The following NCKAP5 variants were observed in gnomAD, a reference collection of about 807,000 sequenced individuals.
NCKAP5 encodes nck-associated protein 5.
NCKAP5 carries 92 observed loss-of-function variants against 167.0 expected under a neutral mutation model. The ratio of observed to expected loss-of-function variants is 0.55; its 90% CI spans 0.47 to 0.66. The LOEUF (loss-of-function observed/expected upper bound fraction) is 0.66, where lower values mean the gene tolerates loss of function less well. Among genes scored for constraint, NCKAP5 ranks in the 30% least tolerant of loss-of-function variants. NCKAP5 has a pLI of 0.00. For synonymous variants in NCKAP5, 891 were observed against 877.4 expected, an observed-to-expected ratio of 1.02 and a Z score of -0.27; for missense variants, 2,378 against 2,315.0, an observed-to-expected ratio of 1.03 and a Z score of -0.56.
chr2:133,308,079 A>ATTTTTTTTTTTT (rs60111877), intron 3 of NCKAP5, among the ~76,000 whole-genome samples: 4 of 89,396 alleles, frequency 4.5e-5, no homozygotes, highest in Non-Finnish European at 8.9e-5. Flanking sequence ...TTATTGTTCT[A>ATTTTTTTTTTTT]TTTTTTTTTT....
intron 3 of NCKAP5, among the ~76,000 whole-genome samples, chr2:133,500,930 A>G (rs904722730): frequency 2.6e-4 from 40 of 152,264 alleles, no homozygotes; most frequent in Admixed American, 3.3e-4. Context: ...TAATCCTTGT[A>G]ACACCATCTC....
chr2:133,160,125 C>T (rs2149932898), intron 5 of NCKAP5, among the ~76,000 whole-genome samples: 2 of 152,234 alleles, frequency 1.3e-5, no homozygotes, highest in East Asian at 3.9e-4. Context: ...TGACATAGAA[C>T]AATAGAAATG....
intron 7 of NCKAP5, among the ~76,000 whole-genome samples, chr2:132,978,680 A>G (rs920663909): frequency 6.6e-6 from 1 of 152,172 alleles, no homozygotes. Context: ...AGCTGGCCAC[A>G]TGGTGCACAT....
chr2:133,375,894 A>G (rs1686112058), intron 3 of NCKAP5, among the ~76,000 whole-genome samples: 1 of 152,202 alleles, frequency 6.6e-6, no homozygotes, highest in South Asian at 2.1e-4. Flanking sequence ...GTATAAATGA[A>G]TACAGAAAGT....
chr2:133,458,262 A>G (rs1691980698), intron 3 of NCKAP5, among the ~76,000 whole-genome samples: 1 of 152,194 alleles, frequency 6.6e-6, no homozygotes, highest in African/African-American at 2.4e-5. Context: ...AGGTGCTAAT[A>G]TTAATCATGA....
At chr2:133,177,593 C>T (rs140327922) in intron 5 of NCKAP5, among the ~76,000 whole-genome samples, 3 of 152,170 alleles carry the variant, frequency 2.0e-5, no homozygotes, top group Non-Finnish European at 4.4e-5. Context: ...TACTTTCATA[C>T]CACAGGTTTG....
At chr2:132,949,003 T>TTAAAAGAAAAGAAAAGGAAAA (rs1553487801) in intron 8 of NCKAP5, among the ~76,000 whole-genome samples, 1 of 130,226 alleles carries the variant, frequency 7.7e-6, no homozygotes, top group African/African-American at 2.9e-5. Flanking sequence ...TCCAGAGAAA[T>TTAAAAGAAAAGAAAAGGAAAA]GAAAAGAAAA....
At chr2:132,809,810 G>A (rs922405711) in intron 11 of NCKAP5, among the ~76,000 whole-genome samples, 21 of 152,130 alleles carry the variant, frequency 1.4e-4, no homozygotes, top group African/African-American at 4.8e-4. Flanking sequence ...TGGGCTCGTT[G>A]TTGCCTGTGT....
chr2:133,075,049 T>C (rs572688713), intron 6 of NCKAP5, among the ~76,000 whole-genome samples: 2 of 152,128 alleles, frequency 1.3e-5, no homozygotes, highest in South Asian at 2.1e-4. Context: ...AAGAACCATA[T>C]GTAGATACAT....
intron 5 of NCKAP5, among the ~76,000 whole-genome samples, chr2:133,132,017 G>A (rs1008558534): frequency 6.6e-6 from 1 of 151,926 alleles, no homozygotes; most frequent in African/African-American, 2.4e-5. Context: ...TACGAAGAAT[G>A]TGAAGTTCAC....
chr2:133,483,445 A>T (rs1680632576), intron 3 of NCKAP5, among the ~76,000 whole-genome samples: 2 of 152,224 alleles, frequency 1.3e-5, no homozygotes, highest in African/African-American at 4.8e-5. Flanking sequence ...AAAGCCAAGA[A>T]GATCATAAAA....
chr2:133,593,545 T>C, the NCKAP5 span, among the ~76,000 whole-genome samples: 1 of 152,198 alleles, frequency 6.6e-6, no homozygotes, highest in Non-Finnish European at 1.5e-5. Context: ...TCTGTATTAT[T>C]TTTTATTCTC....
At chr2:132,839,874 T>C (rs1165046236) in intron 11 of NCKAP5, among the ~76,000 whole-genome samples, 3 of 151,730 alleles carry the variant, frequency 2.0e-5, no homozygotes, top group Admixed American at 6.6e-5. Flanking sequence ...ACATTTTCTA[T>C]ACTGTATTCT....
At chr2:133,392,052 C>T (rs1413860538) in intron 3 of NCKAP5, among the ~76,000 whole-genome samples, 5 of 152,188 alleles carry the variant, frequency 3.3e-5, no homozygotes, top group African/African-American at 9.7e-5. Context: ...CACCCCATCC[C>T]ACATACACAC....
chr2:133,602,328 C>G, the NCKAP5 span, among the ~76,000 whole-genome samples: 1 of 152,120 alleles, frequency 6.6e-6, no homozygotes, highest in African/African-American at 2.4e-5. Flanking sequence ...GAATGAGAAG[C>G]CTGTTCTGGA....
At chr2:133,053,010 A>T (rs1186430063) in intron 6 of NCKAP5, among the ~76,000 whole-genome samples, 1 of 152,144 alleles carries the variant, frequency 6.6e-6, no homozygotes, top group Admixed American at 6.5e-5. Context: ...TGAGAGGGGG[A>T]GATAAAAAAC....
intron 5 of NCKAP5, among the ~76,000 whole-genome samples, chr2:133,138,186 C>A (rs2082867007): frequency 1.3e-5 from 2 of 151,934 alleles, no homozygotes; most frequent in African/African-American, 4.8e-5. Flanking sequence ...AGGGGGGGTA[C>A]TATGAATTAA....
intron 6 of NCKAP5, among the ~76,000 whole-genome samples, chr2:133,026,288 G>A (rs1161582411): frequency 6.6e-6 from 1 of 151,706 alleles, no homozygotes; most frequent in African/African-American, 2.4e-5. Context: ...CTCCCATTCT[G>A]TAGGTTGTTT....
intron 5 of NCKAP5, among the ~76,000 whole-genome samples, chr2:133,213,192 A>G (rs1267543927): frequency 6.6e-6 from 1 of 152,186 alleles, no homozygotes; most frequent in Non-Finnish European, 1.5e-5. Flanking sequence ...AAATAACTGT[A>G]TTGATTTTTA....
Sources: allele counts gnomAD v4.1 joint callset (sites outside exome capture counted in the v4.1 genomes callset), GRCh38; gene constraint gnomAD v4.1.1; transcripts MANE v1.5; gene names NCBI Gene and HGNC (gene_info 2026-07-23, HGNC 2026-07-21).